The following PDE11A variants were observed in gnomAD, a reference collection of about 807,000 sequenced individuals.
PDE11A encodes dual 3',5'-cyclic-AMP and -GMP phosphodiesterase 11A.
Under a neutral mutation model 100.5 loss-of-function variants are expected in PDE11A, and 100 were observed. The observed-to-expected ratio is 1.00, with a 90% CI of 0.85 to 1.18. PDE11A has a LOEUF of 1.18. PDE11A is among the 50% of genes most tolerant of loss of function. The probability of loss-of-function intolerance (pLI) is 0.00; values close to 1 mark genes in which losing one functional copy is unlikely to be tolerated. For synonymous variants in PDE11A, 381 were observed against 420.8 expected (o/e 0.91, Z 1.16); for missense variants, 1,141 against 1,152.6 (o/e 0.99, Z 0.15).
In PDE11A at chr2:177,670,335, T is replaced by C. The variant is rs73042812; in HGVS notation, c.2488-768A>G. 7.9e-3 allele frequency among the ~76,000 whole-genome samples: 1,196 copies of C among 152,312 alleles called. 13 individuals are homozygous for C. The highest frequency in any genetic ancestry group is 0.027 in the African/African-American group (1,124 of 41,562). On this transcript the variant is annotated intron_variant, in intron 17 of 19. Transcript: ENST00000286063. ...CTTATATTTTTCTACTTTTAATCCATTAGCTTGGATGGTCAGCAGCTACTG... is the reference window on the plus strand; with the variant it reads ...CTTATATTTTTCTACTTTTAATCCACTAGCTTGGATGGTCAGCAGCTACTG...
intron 2 of PDE11A, among the ~76,000 whole-genome samples, chr2:177,967,221 T>A (rs1226069649): frequency 3.4e-5 from 4 of 118,128 alleles, no homozygotes; most frequent in Admixed American, 1.6e-4. Flanking sequence ...TTTTTTTTTT[T>A]ACTCTCCCTG....
At chr2:177,831,270 T>C (rs1449830651) in intron 6 of PDE11A, among the ~76,000 whole-genome samples, 1 of 152,188 alleles carries the variant, frequency 6.6e-6, no homozygotes, top group Non-Finnish European at 1.5e-5. Flanking sequence ...GGGGTTTACA[T>C]CACATTAAAG....
At chr2:178,101,372 C>T (rs2087557354) in intron 2 of PDE11A, among the ~76,000 whole-genome samples, 1 of 152,186 alleles carries the variant, frequency 6.6e-6, no homozygotes, top group African/African-American at 2.4e-5. Flanking sequence ...GGAATCAGGT[C>T]TCATCACTCT....
intron 10 of PDE11A, among the ~76,000 whole-genome samples, chr2:177,744,321 C>T (rs554909279): frequency 2.0e-5 from 3 of 148,248 alleles, no homozygotes; most frequent in African/African-American, 7.4e-5. Flanking sequence ...ACCAGTTGGA[C>T]CTCTCTGATT....
chr2:178,083,133 T>C (rs2105879659), intron 2 of PDE11A, among the ~76,000 whole-genome samples: 1 of 149,580 alleles, frequency 6.7e-6, no homozygotes, highest in South Asian at 2.1e-4. Flanking sequence ...GGAGTCTTGC[T>C]CTGTCACCTA....
chr2:177,932,069 T>C (rs35267683), intron 2 of PDE11A, among the ~76,000 whole-genome samples: 13,157 of 152,076 alleles, frequency 0.087, 541 homozygotes, highest in South Asian at 0.1. Flanking sequence ...CTAGAGGAAA[T>C]GAATATATTC....
intron 13 of PDE11A, among the ~76,000 whole-genome samples, chr2:177,705,317 A>C (rs1017438615): frequency 6.6e-6 from 1 of 152,218 alleles, no homozygotes; most frequent in African/African-American, 2.4e-5. Flanking sequence ...AAGTATATCC[A>C]TCATATAAGT....
chr2:177,797,015 G>C (rs1401177455), intron 9 of PDE11A: 2 of 152,224 alleles, frequency 1.3e-5, no homozygotes, highest in Admixed American at 1.3e-4. Flanking sequence ...TAAAAGAGGA[G>C]GAGGAGGACA....
At chr2:177,943,567 T>A (rs954342485) in intron 2 of PDE11A, among the ~76,000 whole-genome samples, 2 of 152,238 alleles carry the variant, frequency 1.3e-5, no homozygotes, top group Non-Finnish European at 2.9e-5. Context: ...TGCCCATTTT[T>A]AAATCATGTT....
chr2:177,675,278 G>A (rs1485135816), intron 17 of PDE11A, among the ~76,000 whole-genome samples, 177 bp downstream of exon 17: 3 of 123,282 alleles, frequency 2.4e-5, no homozygotes, highest in Admixed American at 8.1e-5. Flanking sequence ...AAAAAAAAAA[G>A]GGCTGTGCAA....
chr2:177,685,584 T>C (rs1302526726), intron 15 of PDE11A, among the ~76,000 whole-genome samples: 1 of 152,126 alleles, frequency 6.6e-6, no homozygotes, highest in Non-Finnish European at 1.5e-5. Flanking sequence ...AGTTTCGCTC[T>C]TGTTGAGTAG....
At chr2:177,892,296 C>T (rs550259252) in intron 4 of PDE11A, among the ~76,000 whole-genome samples, 89 of 151,840 alleles carry the variant, frequency 5.9e-4, no homozygotes, top group African/African-American at 1.7e-3. Flanking sequence ...CAGCTTCTTA[C>T]GGTTTTTTTC....
chr2:178,080,112 T>TA (rs1479138410), intron 2 of PDE11A, among the ~76,000 whole-genome samples: 1 of 152,202 alleles, frequency 6.6e-6, no homozygotes, highest in African/African-American at 2.4e-5. Flanking sequence ...ACTCTGGTGA[T>TA]AGTTTCTTTT....
intron 13 of PDE11A, among the ~76,000 whole-genome samples, chr2:177,708,317 G>A (rs900678016): frequency 6.6e-6 from 1 of 152,074 alleles, no homozygotes; most frequent in Admixed American, 6.5e-5. Flanking sequence ...AAAGAATGAG[G>A]TCATGTCTTT....
intron 2 of PDE11A, among the ~76,000 whole-genome samples, chr2:178,084,136 G>A (rs1474497725): frequency 6.6e-6 from 1 of 152,154 alleles, no homozygotes; most frequent in East Asian, 1.9e-4. Flanking sequence ...CCCTCCATGT[G>A]AGAATAAATA....
chr2:177,777,396 C>T (rs1558933305), intron 9 of PDE11A, among the ~76,000 whole-genome samples: 1 of 152,106 alleles, frequency 6.6e-6, no homozygotes, highest in Non-Finnish European at 1.5e-5. Context: ...AGTCAATCTT[C>T]AAGAGAATCG....
intron 10 of PDE11A, among the ~76,000 whole-genome samples, chr2:177,735,353 G>C (rs1046313770): frequency 6.6e-6 from 1 of 151,968 alleles, no homozygotes; most frequent in Non-Finnish European, 1.5e-5. Flanking sequence ...CTCCATTCCT[G>C]AGATGCTCAT....
At chr2:177,989,654 C>G (rs1364670979) in intron 2 of PDE11A, among the ~76,000 whole-genome samples, 1 of 152,130 alleles carries the variant, frequency 6.6e-6, no homozygotes, top group Non-Finnish European at 1.5e-5. Context: ...GAAGTGCATG[C>G]TCAGTTAGTC....
intron 9 of PDE11A, among the ~76,000 whole-genome samples, chr2:177,786,246 T>C (rs2082535334): frequency 6.6e-6 from 1 of 152,224 alleles, no homozygotes. Flanking sequence ...TCCGCTGTTC[T>C]GCAGCCACCA....
Sources: gnomAD v4.1 joint callset for allele counts (sites outside exome capture counted in the v4.1 genomes callset) on GRCh38, gnomAD v4.1.1 for gene constraint, MANE v1.5 for transcripts, NCBI Gene and HGNC (gene_info 2026-07-23, HGNC 2026-07-21) for gene names.